Variants in HTR1F observed in about 807,000 individuals in gnomAD.
HTR1F encodes the protein 5-hydroxytryptamine receptor 1F.
In HTR1F, 17 loss-of-function variants were observed where a neutral mutation model predicts 24.0. That is an observed-to-expected ratio of 0.71 (90% CI 0.48 to 1.06). The LOEUF (loss-of-function observed/expected upper bound fraction) is 1.06. Ranked by LOEUF, HTR1F falls within the 50% of genes least tolerant of loss-of-function variation. HTR1F has a pLI of 0.00. For missense variants in HTR1F, 391 were observed against 427.8 expected, an observed-to-expected ratio of 0.91 and a Z score of 0.76; for synonymous variants, 186 against 156.8, an observed-to-expected ratio of 1.19 and a Z score of -1.39.
At chr3:87,975,067 A>G (rs938388215) in intron 2 of HTR1F, among the ~76,000 whole-genome samples, 4 of 152,162 alleles carry the variant, frequency 2.6e-5, no homozygotes, top group African/African-American at 7.2e-5. Context: ...TTTTATTAGT[A>G]TCGGTCTCAA....
intron 2 of HTR1F, among the ~76,000 whole-genome samples, chr3:87,966,317 A>G (rs1267252518): frequency 6.6e-6 from 1 of 152,216 alleles, no homozygotes; most frequent in Non-Finnish European, 1.5e-5. Context: ...AAGGATTTTA[A>G]TGTATAAATT....
intron 2 of HTR1F, among the ~76,000 whole-genome samples, chr3:87,953,453 C>T (rs1337639399): frequency 2.0e-5 from 3 of 151,034 alleles, no homozygotes; most frequent in African/African-American, 7.3e-5. Flanking sequence ...AACTGCTAAA[C>T]TTTACTAATC....
intron 2 of HTR1F, among the ~76,000 whole-genome samples, chr3:87,941,659 C>T (rs765338365): frequency 1.1e-4 from 16 of 152,212 alleles, no homozygotes; most frequent in Admixed American, 4.6e-4. Context: ...TGAGTTGAGA[C>T]GTTGGGTTTG....
chr3:87,839,053 T>A (rs1280656164), intron 2 of HTR1F, among the ~76,000 whole-genome samples: 3 of 151,516 alleles, frequency 2.0e-5, no homozygotes, highest in Admixed American at 2.0e-4. Context: ...TAGAAGCCTT[T>A]TAGTTTGATT....
rs573895974 is a variant in HTR1F, at chr3:87,809,703, A to G, written c.-159-12305A>G. ...CTATAATCACATTTGTCTATCTTCC[A>G]TTGGACTTAACCATCTTATGCTTAT... On this transcript the variant is annotated intron_variant, in intron 1 of 2. Transcript: ENST00000319595. 4.6e-5 allele frequency among the ~76,000 whole-genome samples: 7 copies of G among 152,078 alleles called. No homozygotes were observed. The East Asian group carries it at 1.4e-3, about 29-fold the overall frequency.
intron 2 of HTR1F, among the ~76,000 whole-genome samples, chr3:87,834,924 G>A (rs1235874632): frequency 6.6e-6 from 1 of 152,144 alleles, no homozygotes; most frequent in Non-Finnish European, 1.5e-5. Flanking sequence ...AGACCATATG[G>A]CCTGCAAAGT....
At chr3:87,802,845 C>T (rs771034800) in intron 1 of HTR1F, among the ~76,000 whole-genome samples, 1 of 152,104 alleles carries the variant, frequency 6.6e-6, no homozygotes, top group Admixed American at 6.5e-5. Flanking sequence ...TAATAAGTCG[C>T]AGATTTGGAA....
At chr3:87,795,719 TA>T (rs1290846627) in intron 1 of HTR1F, among the ~76,000 whole-genome samples, 1 of 152,142 alleles carries the variant, frequency 6.6e-6, no homozygotes, top group Non-Finnish European at 1.5e-5. Context: ...AGAGAAGAAA[TA>T]CTAATTTCTG....
chr3:87,875,317 G>T (rs747158093), intron 2 of HTR1F, among the ~76,000 whole-genome samples: 1 of 151,942 alleles, frequency 6.6e-6, no homozygotes, highest in African/African-American at 2.4e-5. Context: ...AGGCATGGTG[G>T]TGGCTGCCTG....
intron 2 of HTR1F, among the ~76,000 whole-genome samples, chr3:87,966,849 T>C (rs865910841): frequency 6.6e-6 from 1 of 152,094 alleles, no homozygotes; most frequent in Non-Finnish European, 1.5e-5. Context: ...ACAAGACATA[T>C]AATCCAACAA....
intron 2 of HTR1F, among the ~76,000 whole-genome samples, chr3:87,865,201 GT>G (rs902324690): frequency 9.3e-5 from 14 of 151,292 alleles, no homozygotes; most frequent in South Asian, 2.1e-4. Context: ...GAACAATGTG[GT>G]TTTTTTTGCC....
chr3:87,917,519 GA>G (rs1200774594), intron 2 of HTR1F, among the ~76,000 whole-genome samples: 1 of 151,756 alleles, frequency 6.6e-6, no homozygotes. Context: ...AATAAGAAAT[GA>G]AACAGGAGAT....
chr3:87,849,878 C>T (rs868329653), intron 2 of HTR1F, among the ~76,000 whole-genome samples: 34 of 151,900 alleles, frequency 2.2e-4, no homozygotes, highest in African/African-American at 8.3e-4. Flanking sequence ...CACTGGCCAT[C>T]AGAGAAATGT....
intron 2 of HTR1F, among the ~76,000 whole-genome samples, chr3:87,898,977 T>C (rs1392745408): frequency 6.6e-6 from 1 of 152,168 alleles, no homozygotes; most frequent in Non-Finnish European, 1.5e-5. Flanking sequence ...TCCTTTTTTG[T>C]TCTGAAATTT....
chr3:87,813,243 T>A (rs1559591786), intron 1 of HTR1F, among the ~76,000 whole-genome samples: 1 of 152,208 alleles, frequency 6.6e-6, no homozygotes, highest in Non-Finnish European at 1.5e-5. Flanking sequence ...ATCCCTTGCA[T>A]CAGCGTGCCC....
intron 2 of HTR1F, among the ~76,000 whole-genome samples, chr3:87,942,786 T>C (rs1212969760): frequency 6.6e-6 from 1 of 151,698 alleles, no homozygotes; most frequent in Non-Finnish European, 1.5e-5. Flanking sequence ...CTCCTCCTGA[T>C]CTCTATTATA....
intron 2 of HTR1F, among the ~76,000 whole-genome samples, chr3:87,925,339 T>C (rs1233188274): frequency 6.6e-6 from 1 of 151,984 alleles, no homozygotes. Context: ...GGGTGCTGGG[T>C]GGTCAGTTCT....
chr3:87,824,509 AT>A (rs1326017805), intron 2 of HTR1F, among the ~76,000 whole-genome samples: 2 of 152,142 alleles, frequency 1.3e-5, no homozygotes, highest in African/African-American at 2.4e-5. Flanking sequence ...TTAGGAAAAC[AT>A]TTTTTTCCGT....
At chr3:87,946,785 C>T (rs1433575931) in intron 2 of HTR1F, among the ~76,000 whole-genome samples, 1 of 151,852 alleles carries the variant, frequency 6.6e-6, no homozygotes, top group Non-Finnish European at 1.5e-5. Context: ...GCTACCACGC[C>T]CAGCTAATTT....
Sources: allele counts gnomAD v4.1 joint callset (sites outside exome capture counted in the v4.1 genomes callset), GRCh38; gene constraint gnomAD v4.1.1; transcripts MANE v1.5; gene names NCBI Gene and HGNC (gene_info 2026-07-23, HGNC 2026-07-21).